Variants in XKR9 observed in about 807,000 individuals in gnomAD.
XKR9 encodes XK related 9.
XKR9 carries 32 observed loss-of-function variants against 32.0 expected under a neutral mutation model. The observed-to-expected ratio is 1.00, with a 90% CI of 0.76 to 1.34. The LOEUF is 1.34. XKR9 is among the 40% of genes most tolerant of loss of function. XKR9 has a pLI of 0.00. For missense variants in XKR9, 546 were observed against 429.7 expected (o/e 1.27, Z -2.39); for synonymous variants, 168 against 143.4 (o/e 1.17, Z -1.22).
At chr8:70,997,861 C>A in the XKR9 span, among the ~76,000 whole-genome samples, 43 of 152,264 alleles carry the variant, frequency 2.8e-4, no homozygotes, top group East Asian at 8.3e-3. Flanking sequence ...TTCTTCCCTC[C>A]CTTTGAATGT....
At chr8:71,050,280 GAT>G in the XKR9 span, among the ~76,000 whole-genome samples, 12 of 130,342 alleles carry the variant, frequency 9.2e-5, no homozygotes, top group African/African-American at 3.1e-4. Flanking sequence ...GATAGATATA[GAT>G]ATAGATATAG....
At chr8:70,773,610 A>G (rs1238655912) in intron 2 of XKR9, among the ~76,000 whole-genome samples, 1 of 152,074 alleles carries the variant, frequency 6.6e-6, no homozygotes, top group Admixed American at 6.6e-5. Flanking sequence ...TGGGAAGGAA[A>G]CTGATAGCTT....
rs564318479 is a variant in XKR9, at chr8:70,732,142, GT to G, written c.494-1653del. Among the ~76,000 whole-genome samples the G allele has an allele frequency of 2.0e-3, 308 of 152,176 alleles. 3 individuals carry two copies. The highest frequency in any genetic ancestry group is 3.4e-3 in the Middle Eastern group (1 of 294). ...GCTGAACTGAGATAGACACCCCATG[GT>G]GGAGCTACAAACAGATACCCCACAA... On this transcript the variant is annotated intron_variant, in intron 4 of 4. Transcript: ENST00000408926.
the XKR9 span, among the ~76,000 whole-genome samples, chr8:70,864,244 A>C: frequency 1.6e-4 from 25 of 152,178 alleles, no homozygotes; most frequent in African/African-American, 5.8e-4. Flanking sequence ...AATAGCTTGG[A>C]GTTTAAAAGG....
At chr8:70,943,016 G>A in the XKR9 span, among the ~76,000 whole-genome samples, 2 of 152,090 alleles carry the variant, frequency 1.3e-5, no homozygotes, top group Admixed American at 6.6e-5. Flanking sequence ...AGAGCATATG[G>A]GAATTTGTAA....
At chr8:70,830,703 A>G in the XKR9 span, among the ~76,000 whole-genome samples, 5 of 152,264 alleles carry the variant, frequency 3.3e-5, no homozygotes, top group Admixed American at 6.5e-5. Flanking sequence ...CTACGGATAT[A>G]GCATACTATA....
chr8:70,901,563 C>G, the XKR9 span, among the ~76,000 whole-genome samples: 33 of 152,166 alleles, frequency 2.2e-4, no homozygotes, highest in African/African-American at 7.5e-4. Flanking sequence ...GATATTAGCC[C>G]TTTGTCAGAC....
intron 3 of XKR9, among the ~76,000 whole-genome samples, chr8:70,703,017 T>A (rs1805593277): frequency 6.6e-6 from 1 of 152,194 alleles, no homozygotes. Context: ...GGCTTTCTTT[T>A]TACATTTGAT....
At chr8:70,902,782 A>G in the XKR9 span, among the ~76,000 whole-genome samples, 2 of 152,206 alleles carry the variant, frequency 1.3e-5, no homozygotes, top group East Asian at 3.9e-4. Context: ...AATAGCTCTT[A>G]TTATTTTGAG....
At chr8:70,714,366 C>T (rs1806019810) in intron 4 of XKR9, among the ~76,000 whole-genome samples, 1 of 151,578 alleles carries the variant, frequency 6.6e-6, no homozygotes, top group South Asian at 2.1e-4. Flanking sequence ...AAGCTAACAC[C>T]TACAAATTTC....
chr8:70,699,086 G>A (rs184926872), intron 3 of XKR9, among the ~76,000 whole-genome samples: 11,033 of 152,070 alleles, frequency 0.073, 486 homozygotes, highest in Non-Finnish European at 0.089. Flanking sequence ...GTCTCTGCAC[G>A]TGAGATGGGT....
At chr8:70,816,845 C>T in the XKR9 span, among the ~76,000 whole-genome samples, 2 of 152,064 alleles carry the variant, frequency 1.3e-5, no homozygotes, top group Admixed American at 6.6e-5. Flanking sequence ...TGTGATTCAC[C>T]ACATAAACAG....
chr8:70,694,005 G>T (rs933952314), intron 3 of XKR9, among the ~76,000 whole-genome samples: 1 of 152,176 alleles, frequency 6.6e-6, no homozygotes, highest in Admixed American at 6.5e-5. Context: ...TGGAGGACCT[G>T]CCCAGTGAGG....
At chr8:71,020,214 G>A in the XKR9 span, among the ~76,000 whole-genome samples, 4 of 152,186 alleles carry the variant, frequency 2.6e-5, no homozygotes, top group Non-Finnish European at 4.4e-5. Flanking sequence ...TCTACGAGGT[G>A]CTGCCTGCCT....
the XKR9 span, among the ~76,000 whole-genome samples, chr8:70,881,658 C>T: frequency 6.6e-6 from 1 of 152,308 alleles, no homozygotes; most frequent in South Asian, 2.1e-4. Context: ...CACTTTTACA[C>T]TGTTGCTGGG....
the XKR9 span, among the ~76,000 whole-genome samples, chr8:70,980,893 A>T: frequency 6.6e-6 from 1 of 152,194 alleles, no homozygotes; most frequent in East Asian, 1.9e-4. Flanking sequence ...TCCTTCATTT[A>T]TGAAGCTTAG....
At chr8:70,918,752 A>AATAGATCATG in the XKR9 span, among the ~76,000 whole-genome samples, 1 of 149,058 alleles carries the variant, frequency 6.7e-6, no homozygotes, top group Non-Finnish European at 1.5e-5. Flanking sequence ...CTGGCATCCA[A>AATAGATCATG]ATAGATCATG....
chr8:71,009,310 G>A, the XKR9 span, among the ~76,000 whole-genome samples: 1 of 152,186 alleles, frequency 6.6e-6, no homozygotes. Flanking sequence ...TAAGATTTGT[G>A]TATGTGTGTA....
At chr8:70,843,583 A>G in the XKR9 span, among the ~76,000 whole-genome samples, 1 of 152,304 alleles carries the variant, frequency 6.6e-6, no homozygotes, top group Admixed American at 6.5e-5. Flanking sequence ...GTGACAGAAA[A>G]CACCTAAGGC....
Sources: allele counts gnomAD v4.1 joint callset (sites outside exome capture counted in the v4.1 genomes callset), GRCh38; gene constraint gnomAD v4.1.1; transcripts MANE v1.5; gene names NCBI Gene and HGNC (gene_info 2026-07-23, HGNC 2026-07-21).